ADGRG2: variants seen among roughly 807,000 people sequenced by gnomAD.
ADGRG2 encodes adhesion G protein-coupled receptor G2, also known as G protein-coupled receptor 64.
A neutral mutation model predicts 74.1 loss-of-function variants in ADGRG2; 26 were observed. The observed-to-expected ratio is 0.35, with a 90% CI of 0.26 to 0.49. ADGRG2 has a LOEUF of 0.49. Ranked by LOEUF, ADGRG2 falls within the 20% of genes least tolerant of loss-of-function variation. The probability of loss-of-function intolerance (pLI) is 0.99; values close to 1 mark genes in which losing one functional copy is unlikely to be tolerated. For synonymous variants in ADGRG2, 296 were observed against 295.2 expected (o/e 1.00, Z -0.03); for missense variants, 619 against 763.1 (o/e 0.81, Z 2.22).
In ADGRG2 at chrX:19,004,789, A is replaced by C; in HGVS notation, c.1930T>G (p.Ser644Ala). The C allele has an allele frequency of 8.3e-7, 1 of 1,209,406 alleles. No homozygotes were observed. Among genetic ancestry groups the C allele is most frequent in the Non-Finnish European group, 1.1e-6 (1 of 893,263 alleles). The change falls in exon 23 of 29, where the codon TCA becomes GCA. Residue 644 changes from serine to alanine, a missense_variant. Ser to Ala is a moderately conservative substitution (Grantham distance 99, BLOSUM62 1). Transcript: ENST00000379869. The part of the protein sequence containing the change: ...IGCGLSSIFL[S>A]VTLVTYIAFE... ...GCTATGTAGGTTACAAGAGTCACTGACAGAAAAATTGATGAAAGCCCACAA... is the reference window on the plus strand; with the variant it reads ...GCTATGTAGGTTACAAGAGTCACTGCCAGAAAAATTGATGAAAGCCCACAA...
intron 3 of ADGRG2, among the ~76,000 whole-genome samples, chrX:19,062,364 C>T (rs750469109): frequency 8.9e-6 from 1 of 111,790 alleles, no homozygotes; most frequent in Non-Finnish European, 1.9e-5. Flanking sequence ...TTTCAGTTTC[C>T]CCTGCAACCT....
intron 2 of ADGRG2, among the ~76,000 whole-genome samples, chrX:19,081,060 C>G (rs1477738450): frequency 1.8e-5 from 2 of 110,971 alleles, no homozygotes; most frequent in Non-Finnish European, 3.8e-5. Flanking sequence ...TTAATAGCCA[C>G]TACTCAGATT....
intron 3 of ADGRG2, among the ~76,000 whole-genome samples, chrX:19,053,192 A>G (rs187361906): frequency 1.7e-4 from 19 of 111,130 alleles, no homozygotes; most frequent in African/African-American, 6.2e-4. Flanking sequence ...TTGTATAACT[A>G]TGAAATAAAT....
Position 18,990,916 on chromosome X carries a change from G to A in ADGRG2, c.3002C>T (p.Ala1001Val). 8.3e-7 allele frequency: 1 copy of A among 1,206,788 alleles called. No homozygotes were observed. Among genetic ancestry groups the A allele is most frequent in the Non-Finnish European group, 1.1e-6 (1 of 891,623 alleles). The change falls in exon 29 of 29, where the codon GCT (alanine) becomes GTT (valine). Residue 1001 changes from alanine to valine, a missense_variant. Physicochemically the swap from Ala to Val is moderately conservative, Grantham distance 64 (BLOSUM62 0). Around this residue, in one of 3 missense-constraint regions of ADGRG2, gnomAD observed 106 missense variants for 104.5 expected, o/e 1.01. Coordinates refer to ENST00000379869, the MANE Select transcript of ADGRG2 (RefSeq NM_001079858.3). ...EDSCNGKGRMALRRTSKRGSL... is the reference protein window; with the variant it reads ...EDSCNGKGRMVLRRTSKRGSL... ...TCCCCGCTTTGAAGTCCTTCTGAGA[G>A]CCATACGGCCTTTCCCATTGCAGGA... is the stretch of plus-strand genomic sequence containing the variant.
intron 23 of ADGRG2, 45 bp downstream of exon 23, chrX:19,004,713 T>C (rs767287788): frequency 1.7e-6 from 2 of 1,171,108 alleles, no homozygotes; most frequent in Non-Finnish European, 2.3e-6. Context: ...GCAATGGAGG[T>C]GAGTGCTGAG....
At chrX:19,022,030 G>A (rs776737574) in intron 13 of ADGRG2, among the ~76,000 whole-genome samples, 2 of 110,142 alleles carry the variant, frequency 1.8e-5, no homozygotes, top group Admixed American at 9.5e-5. Flanking sequence ...TTGGAAGGCC[G>A]AGGCAGGTGG....
intron 23 of ADGRG2, among the ~76,000 whole-genome samples, chrX:19,003,761 G>A (rs773712069): frequency 1.8e-5 from 2 of 111,714 alleles, no homozygotes; most frequent in South Asian, 3.8e-4. Context: ...GACTACTTTC[G>A]GAAGCATTGG....
intron 1 of ADGRG2, among the ~76,000 whole-genome samples, chrX:19,090,890 G>A (rs937010482): frequency 2.7e-5 from 3 of 111,038 alleles, no homozygotes; most frequent in Non-Finnish European, 3.8e-5. Flanking sequence ...GCGATATTGC[G>A]ATTACAGCAA....
chrX:18,999,027 C>A lies in ADGRG2; in HGVS notation c.2583G>T (p.Met861Ile). 8.3e-7 allele frequency: 1 copy of A among 1,207,419 alleles called. No individual in the cohort carries two copies. Among genetic ancestry groups the A allele is most frequent in the Non-Finnish European group, 1.1e-6 (1 of 892,112 alleles). ...AGGTATTAAAGATGGCAAACAGATA[C>A]ATGAAGGTCACGTTAACTGGTCCCC... is the stretch of plus-strand genomic sequence containing the variant. ...FAWGPVNVTF[M>I]YLFAIFNTLQ... The change falls in exon 26 of 29, where the codon ATG becomes ATT. Residue 861 changes from methionine to isoleucine, a missense_variant. By Grantham distance (10) the Met-to-Ile change is conservative. This residue lies in a region of ADGRG2 where 221 missense variants were observed against 340.6 expected (regional missense o/e 0.65). Transcript: ENST00000379869.
At chrX:19,040,317 GGTTT>G in intron 3 of ADGRG2, 93 bp from the exon 4 acceptor site, 1 of 557,813 alleles carries the variant, frequency 1.8e-6, no homozygotes, top group Non-Finnish European at 3.0e-6. Flanking sequence ...CAAATAAGTA[GGTTT>G]CAGCTACTCA....
chrX:19,008,085 G>C lies in ADGRG2; in HGVS notation c.1461C>G (p.Gly487=), dbSNP rs2060273924. 1 of 1,193,423 alleles carries C rather than the reference G, an allele frequency of 8.4e-7. No individual in the cohort carries two copies. Residue 487 remains glycine (G), a synonymous_variant, in exon 19 of 29, where the codon GGC becomes GGG. Coordinates refer to ENST00000379869, the MANE Select transcript of ADGRG2 (RefSeq NM_001079858.3). The part of the protein sequence containing the change: ...LETQAPENSI[G]TITLPSSLMN... ...TCAGCGATGAAGGAAGAGTAATTGT[G>C]CCAATACTGTTCTCAGGAGCTTGGG...
rs747519417 is a variant in ADGRG2, at chrX:19,014,008, T to C, written c.777A>G (p.Gln259=). 20 of 1,208,873 alleles carry C rather than the reference T, an allele frequency of 1.7e-5. No individual in the cohort carries two copies. The highest frequency in any genetic ancestry group is 5.3e-5 in the South Asian group (3 of 56,827). The change falls in exon 16 of 29, where the codon CAA becomes CAG. Residue 259 remains glutamine (Q), a synonymous_variant. Coordinates refer to ENST00000379869, the MANE Select transcript of ADGRG2 (RefSeq NM_001079858.3). ...TGGCCCGAGGCACCACTGGGATGGA[T>C]TGGCTGGAAGAAAATGGTGGGCCAC... ...HPRGPPFSSS[Q]SIPVVPRATV...
At chrX:19,036,071 A>T (rs2069771470) in intron 6 of ADGRG2, 94 bp from the exon 7 acceptor site, 1 of 437,567 alleles carries the variant, frequency 2.3e-6, no homozygotes, top group African/African-American at 2.5e-5. Context: ...CTTTTCCCCA[A>T]ATCTGGGAGA....
chrX:19,069,267 A>C (rs766588371), intron 2 of ADGRG2, among the ~76,000 whole-genome samples: 1 of 111,800 alleles, frequency 8.9e-6, no homozygotes, highest in Non-Finnish European at 1.9e-5. Context: ...GGCTGTTCAC[A>C]GGTGCGATCA....
chrX:19,100,979 A>G (rs1318672786), intron 1 of ADGRG2, among the ~76,000 whole-genome samples: 1 of 113,122 alleles, frequency 8.8e-6, no homozygotes, highest in Non-Finnish European at 1.9e-5. Flanking sequence ...ATATGGAAGA[A>G]CTAGAGCTTT....
chrX:19,073,447 CCCCTTTTAGGTTGTGAA>C (rs2061685866), intron 2 of ADGRG2, among the ~76,000 whole-genome samples: 1 of 111,356 alleles, frequency 9.0e-6, no homozygotes, highest in Non-Finnish European at 1.9e-5. Context: ...TATCCAGGGC[CCCCTTTTAGGTTGTGAA>C]CTCTGATGTA....
At position 19,013,915 on chromosome X, in the gene ADGRG2, G is replaced by A. The variant is rs35974297; in HGVS notation, c.870C>T (p.His290=). ...AEPPDYSPVT[H]NVPSPIGEIQ... ...TCTCCCCTATTGGAGAGGGAACATTGTGGGTCACAGGTGAATAATCTGGAG... is the reference window on the plus strand; with the variant it reads ...TCTCCCCTATTGGAGAGGGAACATTATGGGTCACAGGTGAATAATCTGGAG... Residue 290 remains histidine (H), a synonymous_variant, in exon 16 of 29, where the codon CAC becomes CAT. Transcript: ENST00000379869. 2.5e-6 allele frequency: 3 copies of A among 1,210,638 alleles called. No individual in the cohort carries two copies. The highest frequency in any genetic ancestry group is 2.3e-4 in the Middle Eastern group (1 of 4,345).
intron 23 of ADGRG2, 132 bp from the exon 24 acceptor site, chrX:19,003,246 C>G: frequency 2.1e-6 from 1 of 475,654 alleles, no homozygotes; most frequent in Non-Finnish European, 3.7e-6. Flanking sequence ...GTCACTGCAA[C>G]CTCTGCCTCC....
At position 19,093,080 on chromosome X, in the gene ADGRG2, T is replaced by C. The variant is rs2062038310; in HGVS notation, c.-46-10334A>G. ...GATCGTGTTTTATTCTGAAATCTCA[T>C]CCATGAACAAGAGAAAACATGACAA... is the stretch of plus-strand genomic sequence containing the variant. On this transcript the variant is annotated intron_variant, in intron 1 of 28. Coordinates refer to ENST00000379869, the MANE Select transcript of ADGRG2 (RefSeq NM_001079858.3). 2.7e-5 allele frequency among the ~76,000 whole-genome samples: 3 copies of C among 111,662 alleles called. No individual in the cohort carries two copies. The Admixed American group carries it at 2.9e-4, about 11-fold the overall frequency.
Sources: allele counts gnomAD v4.1 joint callset (sites outside exome capture counted in the v4.1 genomes callset), GRCh38; gene constraint gnomAD v4.1.1; regional missense constraint gnomAD v4.1.1; transcripts MANE v1.5; gene names NCBI Gene and HGNC (gene_info 2026-07-23, HGNC 2026-07-21).